The following MDH2 variants were observed in gnomAD, a reference collection of about 807,000 sequenced individuals.
MDH2 encodes malate dehydrogenase, mitochondrial.
MDH2 carries 25 observed loss-of-function variants against 33.6 expected under a neutral mutation model. The ratio of observed to expected loss-of-function variants is 0.74; its 90% CI spans 0.54 to 1.04. The LOEUF (loss-of-function observed/expected upper bound fraction) is 1.04, where lower values mean the gene tolerates loss of function less well. Ranked by LOEUF, MDH2 falls within the 50% of genes least tolerant of loss-of-function variation. MDH2 has a pLI of 0.00. For missense variants in MDH2, 432 were observed against 445.0 expected (o/e 0.97, Z 0.26); for synonymous variants, 193 against 188.7 (o/e 1.02, Z -0.19).
intron 1 of MDH2, chr7:76,048,549 A>G (rs1321656615): frequency 7.6e-7 from 1 of 1,313,614 alleles, no homozygotes; most frequent in Non-Finnish European, 9.7e-7. Flanking sequence ...TCTGCATCTG[A>G]AAGTAAACTT....
At chr7:76,066,136 TCAGCAAGGCGTCCC>T (rs1438255815) in intron 8 of MDH2, 129 bp from the exon 9 acceptor site, 30 of 997,410 alleles carry the variant, frequency 3.0e-5, no homozygotes, top group African/African-American at 2.4e-4. Context: ...ACCCACCTGC[TCAGCAAGGCGTCCC>T]CAGCAAGGCA....
chr7:76,063,608 C>G lies in MDH2; in HGVS notation c.633+16C>G, dbSNP rs782157167. 1 of 1,611,690 alleles carries G rather than the reference C, an allele frequency of 6.2e-7. No homozygotes were observed. Among genetic ancestry groups the G allele is most frequent in the South Asian group, 1.1e-5 (1 of 91,038 alleles). On this transcript the variant is annotated intron_variant, in intron 6 of 8. Transcript: ENST00000315758. ...GATCTCTCAGGTACACGCATATGAC[C>G]CTGTGAGGGGCTTCGAGGTCAGGAT...
At chr7:76,060,187 T>C (rs1367921248) in intron 4 of MDH2, among the ~76,000 whole-genome samples, 186 bp from the exon 5 acceptor site, 3 of 152,228 alleles carry the variant, frequency 2.0e-5, no homozygotes, top group African/African-American at 7.2e-5. Context: ...TTTGTTCACA[T>C]GGTGCGGCCT....
intron 3 of MDH2, 96 bp from the exon 4 acceptor site, chr7:76,057,873 G>A (rs1433284170): frequency 2.6e-6 from 3 of 1,150,550 alleles, no homozygotes; most frequent in African/African-American, 3.0e-5. Context: ...GACCTTGAGT[G>A]GCTAAATTTC....
intron 4 of MDH2, among the ~76,000 whole-genome samples, chr7:76,060,171 G>C (rs938944584): frequency 9.9e-5 from 15 of 152,186 alleles, no homozygotes; most frequent in African/African-American, 1.9e-4. Context: ...TACAGCAAAG[G>C]GTTTCTTTGT....
intron 5 of MDH2, 51 bp from the exon 6 acceptor site, chr7:76,063,464 T>C: frequency 1.3e-6 from 2 of 1,570,720 alleles, no homozygotes; most frequent in Non-Finnish European, 1.8e-6. Context: ...GTGACATGTT[T>C]TACAGTGAAA....
chr7:76,058,242 G>C lies in MDH2; in HGVS notation c.429+164G>C, dbSNP rs1352720008. ...GGAGAGGTCGGGTGCACTAAGCAGA[G>C]GCCCGTCCGTGCACTTCCTAAGGAC... On this transcript the variant is annotated intron_variant, in intron 4 of 8. Transcript: ENST00000315758. 7.9e-6 allele frequency: 5 copies of C among 634,048 alleles called. No homozygotes were observed. The African/African-American group carries it at 9.1e-5, about 12-fold the overall frequency. 39.3% of individuals were successfully genotyped at this position (634,048 alleles called of 1,614,324 possible).
chr7:76,055,350 A>G (rs922818906), intron 2 of MDH2, among the ~76,000 whole-genome samples: 1 of 152,116 alleles, frequency 6.6e-6, no homozygotes, highest in East Asian at 1.9e-4. Flanking sequence ...CCCCAGGGTT[A>G]TCTTGCCAGC....
At chr7:76,063,837 G>T (rs999451261) in intron 6 of MDH2, among the ~76,000 whole-genome samples, 2 of 152,226 alleles carry the variant, frequency 1.3e-5, no homozygotes, top group Non-Finnish European at 2.9e-5. Context: ...ACCTCACCGG[G>T]TTACTGGTTA....
chr7:76,055,099 G>C (rs1585402789), intron 2 of MDH2, 101 bp downstream of exon 2: 18 of 1,321,442 alleles, frequency 1.4e-5, no homozygotes, highest in Non-Finnish European at 1.8e-5. Context: ...GTTTAGAGAC[G>C]GGGGTTTCTC....
At chr7:76,049,417 G>A (rs3757593) in intron 1 of MDH2, among the ~76,000 whole-genome samples, 83,122 of 151,956 alleles carry the variant, frequency 0.55, 25,214 homozygotes, top group Non-Finnish European at 0.7. Flanking sequence ...GGGATACCAA[G>A]ATAAGTGAGA....
At chr7:76,059,939 A>C (rs181582042) in intron 4 of MDH2, among the ~76,000 whole-genome samples, 7 of 152,236 alleles carry the variant, frequency 4.6e-5, no homozygotes, top group Middle Eastern at 3.4e-3. Context: ...GAAGAAAAAA[A>C]CGGGTCCCAG....
At chr7:76,055,397 G>A (rs1190656172) in intron 2 of MDH2, among the ~76,000 whole-genome samples, 3 of 151,930 alleles carry the variant, frequency 2.0e-5, no homozygotes, top group Admixed American at 1.3e-4. Context: ...AAACCTCCCC[G>A]TCTGTGGAAG....
intron 1 of MDH2, 41 bp downstream of exon 1, chr7:76,048,267 G>A (rs1554584528): frequency 1.3e-6 from 2 of 1,523,252 alleles, no homozygotes; most frequent in East Asian, 2.5e-5. Context: ...GAGGCCCCCC[G>A]GCCCGGGCCA....
rs1159338679 is a variant in MDH2 at position 76,064,575 on chromosome 7, CTG to C, written c.733+142_733+143del. The stretch of plus-strand genomic sequence containing the variant: ...TTTGCAGTTGCCTGGTGGAAAATCC[CTG>C]TGTGAGAGGGCAGCTCGGCCTGCTT... On this transcript the variant is annotated intron_variant, in intron 7 of 8. Coordinates refer to ENST00000315758, the MANE Select transcript of MDH2 (RefSeq NM_005918.4). The C allele has an allele frequency of 1.4e-5, 14 of 965,580 alleles. No homozygotes were observed. In the East Asian group the frequency reaches 3.4e-4, roughly 24 times the overall value. The allele number at this position is 965,580 out of a possible 1,614,324, so 59.8% of individuals were successfully genotyped here.
Position 76,048,432 on chromosome 7 carries a change from A to T in MDH2, c.66+206A>T, listed in dbSNP as rs1797407981. 3.6e-6 allele frequency: 4 copies of T among 1,106,352 alleles called. No homozygotes were observed. The South Asian group carries it at 7.0e-5, about 19-fold the overall frequency. 68.5% of individuals were successfully genotyped at this position (1,106,352 alleles called of 1,614,324 possible). A position where few individuals can be genotyped will look rare whatever the true frequency, so the allele number is the denominator to read the frequency against. On this transcript the variant is annotated intron_variant, in intron 1 of 8. Coordinates refer to ENST00000315758, the MANE Select transcript of MDH2 (RefSeq NM_005918.4). ...AAAGCCGGGGAAAAGGGGGCGAGGT[A>T]GTCCCGCTCCAGGGCCGGTCCATTT...
chr7:76,057,419 G>T lies in MDH2; in HGVS notation c.245G>T (p.Gly82Val). ...GGGGTGTTTGTTCTAGGCTACCTCGGACCTGAACAGCTGCCTGACTGCCTG... is the reference window on the plus strand; with the variant it reads ...GGGGTGTTTGTTCTAGGCTACCTCGTACCTGAACAGCTGCCTGACTGCCTG... ...ETKAAVKGYL[G>V]PEQLPDCLKG... is the part of the protein sequence containing the mutation. Residue 82 changes from glycine (G) to valine (V), a missense_variant, in exon 3 of 9, where the codon GGA becomes GTA. Coordinates refer to ENST00000315758, the MANE Select transcript of MDH2 (RefSeq NM_005918.4). The T allele has an allele frequency of 1.2e-6, 2 of 1,614,170 alleles. No homozygotes were observed. The highest frequency in any genetic ancestry group is 2.2e-5 in the South Asian group (2 of 91,084).
At chr7:76,054,031 A>G (rs1158721959) in intron 1 of MDH2, among the ~76,000 whole-genome samples, 1 of 152,164 alleles carries the variant, frequency 6.6e-6, no homozygotes, top group South Asian at 2.1e-4. Flanking sequence ...ACTGTTTGGT[A>G]TCAAAATCAT....
At chr7:76,063,492 C>T in intron 5 of MDH2, 23 bp from the exon 6 acceptor site, 2 of 1,611,312 alleles carry the variant, frequency 1.2e-6, no homozygotes, top group African/African-American at 1.3e-5. Context: ...TTAACTCATC[C>T]AGCTTCATAC....
Sources: gnomAD v4.1 joint callset for allele counts (sites outside exome capture counted in the v4.1 genomes callset) on GRCh38, gnomAD v4.1.1 for gene constraint, MANE v1.5 for transcripts, NCBI Gene and HGNC (gene_info 2026-07-23, HGNC 2026-07-21) for gene names.